CDH13: variants seen among roughly 807,000 people sequenced by gnomAD.
CDH13 encodes the protein cadherin 13.
Under a neutral mutation model 63.8 loss-of-function variants are expected in CDH13, and 24 were observed. The observed-to-expected ratio is 0.38, with a 90% CI of 0.27 to 0.53. CDH13 has a LOEUF of 0.53. CDH13 is among the 20% of genes least tolerant of loss of function. The pLI, the probability that CDH13 is intolerant of heterozygous loss-of-function variation, is 0.85. For synonymous variants in CDH13, 503 were observed against 355.3 expected (o/e 1.42, Z -4.67); for missense variants, 1,049 against 903.1 (o/e 1.16, Z -2.07).
At chr16:83,412,766 G>A (rs1417877624) in intron 6 of CDH13, among the ~76,000 whole-genome samples, 4 of 152,188 alleles carry the variant, frequency 2.6e-5, no homozygotes, top group Non-Finnish European at 5.9e-5. Flanking sequence ...AGTGAAAGTG[G>A]AACAATTCCA....
At chr16:82,640,091 C>G (rs1909201844) in intron 1 of CDH13, among the ~76,000 whole-genome samples, 1 of 152,138 alleles carries the variant, frequency 6.6e-6, no homozygotes, top group African/African-American at 2.4e-5. Context: ...AGACAGGAAA[C>G]AAGAAAAATA....
chr16:83,101,902 G>A (rs1032603784), intron 3 of CDH13, among the ~76,000 whole-genome samples: 53 of 152,276 alleles, frequency 3.5e-4, no homozygotes, highest in Admixed American at 1.4e-3. Flanking sequence ...CAGAACCAAG[G>A]CCCCAGGATT....
At chr16:82,986,382 C>G (rs765137638) in intron 2 of CDH13, among the ~76,000 whole-genome samples, 1 of 152,230 alleles carries the variant, frequency 6.6e-6, no homozygotes, top group African/African-American at 2.4e-5. Context: ...CTACCATGCA[C>G]ACTGTGTATA....
chr16:83,299,539 C>T (rs1184888994), intron 5 of CDH13, among the ~76,000 whole-genome samples: 1 of 152,166 alleles, frequency 6.6e-6, no homozygotes, highest in Non-Finnish European at 1.5e-5. Flanking sequence ...ATCTTACTTC[C>T]CTCGATTATT....
At position 82,953,743 on chromosome 16, in the gene CDH13, C is replaced by G. The variant is rs561897911; in HGVS notation, c.158-78267C>G. On this transcript the variant is annotated intron_variant, in intron 2 of 13. Coordinates refer to ENST00000567109, the MANE Select transcript of CDH13 (RefSeq NM_001257.5). The stretch of plus-strand genomic sequence containing the variant: ...AGTGGTGAAATAATAAGCACAATAC[C>G]AGCTTGGCATGTCTCACATATGTAG... 29 of 152,164 alleles carry G rather than the reference C, an allele frequency of 1.9e-4. No individual in the cohort carries two copies. In the East Asian group the frequency reaches 4.8e-3, roughly 25 times the overall value. The allele number at this position is 152,164 out of a possible 1,614,324, so 9.4% of individuals were successfully genotyped here. A position where few individuals can be genotyped will look rare whatever the true frequency, so the allele number is the denominator to read the frequency against.
chr16:83,212,699 C>T (rs1567510651), intron 4 of CDH13, among the ~76,000 whole-genome samples: 2 of 152,188 alleles, frequency 1.3e-5, no homozygotes, highest in Non-Finnish European at 2.9e-5. Context: ...GTGCTGAAAG[C>T]TGCCCAAAGC....
At chr16:83,142,366 T>C (rs1216553321) in intron 4 of CDH13, among the ~76,000 whole-genome samples, 2 of 152,100 alleles carry the variant, frequency 1.3e-5, no homozygotes, top group Non-Finnish European at 2.9e-5. Context: ...TTTGCCATGT[T>C]GGCCAGGCTG....
At chr16:82,759,604 A>G (rs2034752253) in intron 1 of CDH13, among the ~76,000 whole-genome samples, 1 of 151,070 alleles carries the variant, frequency 6.6e-6, no homozygotes, top group South Asian at 2.1e-4. Context: ...ATATATGTAT[A>G]ATATAACATA....
chr16:82,729,037 A>C (rs1469912699), intron 1 of CDH13, among the ~76,000 whole-genome samples: 2 of 152,190 alleles, frequency 1.3e-5, no homozygotes, highest in African/African-American at 4.8e-5. Flanking sequence ...TCAGCAATTC[A>C]GTCACATCTT....
At chr16:83,262,408 T>C (rs1907102093) in intron 5 of CDH13, among the ~76,000 whole-genome samples, 1 of 152,218 alleles carries the variant, frequency 6.6e-6, no homozygotes, top group African/African-American at 2.4e-5. Context: ...TCAATTAATG[T>C]AGACTTGTGG....
At chr16:83,683,985 C>T (rs1307313071) in intron 10 of CDH13, among the ~76,000 whole-genome samples, 3 of 152,204 alleles carry the variant, frequency 2.0e-5, no homozygotes, top group Non-Finnish European at 4.4e-5. Flanking sequence ...GCGTAGCAAC[C>T]GTTCCTCCAG....
At chr16:82,856,153 G>A (rs970659480) in intron 1 of CDH13, among the ~76,000 whole-genome samples, 1 of 151,990 alleles carries the variant, frequency 6.6e-6, no homozygotes, top group Non-Finnish European at 1.5e-5. Flanking sequence ...GAGGTGGGTG[G>A]ATCACGAGGT....
intron 6 of CDH13, among the ~76,000 whole-genome samples, chr16:83,454,643 T>C (rs566935746): frequency 4.1e-4 from 63 of 152,326 alleles, no homozygotes; most frequent in African/African-American, 1.3e-3. Context: ...AGGCCATCGA[T>C]TTTCTGCCAT....
At chr16:82,924,941 T>A (rs988485495) in intron 2 of CDH13, among the ~76,000 whole-genome samples, 2 of 151,984 alleles carry the variant, frequency 1.3e-5, no homozygotes, top group East Asian at 1.9e-4. Context: ...GAAAAAAAAA[T>A]AGATGTTTAT....
chr16:83,480,860 A>G (rs1249988472), intron 6 of CDH13, among the ~76,000 whole-genome samples: 1 of 152,210 alleles, frequency 6.6e-6, no homozygotes, highest in Non-Finnish European at 1.5e-5. Flanking sequence ...AGAATTTAAA[A>G]TAGCAGCTTC....
chr16:82,698,335 A>T (rs950618546), intron 1 of CDH13, among the ~76,000 whole-genome samples: 7 of 152,330 alleles, frequency 4.6e-5, no homozygotes, highest in Admixed American at 1.3e-4. Flanking sequence ...AAGGCAAAGA[A>T]CTCTATCTCC....
At chr16:83,050,619 G>C (rs2030206467) in intron 3 of CDH13, among the ~76,000 whole-genome samples, 1 of 151,964 alleles carries the variant, frequency 6.6e-6, no homozygotes. Context: ...ATCCAACCTA[G>C]CAGCTTTAAA....
chr16:83,249,536 A>T (rs1905282590), intron 5 of CDH13, among the ~76,000 whole-genome samples: 1 of 152,164 alleles, frequency 6.6e-6, no homozygotes, highest in South Asian at 2.1e-4. Flanking sequence ...CCCAATAGCT[A>T]CTTCATGAGA....
intron 1 of CDH13, among the ~76,000 whole-genome samples, chr16:82,739,720 A>T (rs1194750863): frequency 6.6e-6 from 1 of 152,270 alleles, no homozygotes; most frequent in Non-Finnish European, 1.5e-5. Context: ...GATGACACTC[A>T]GACTTTGTCA....
Sources: gnomAD v4.1 joint callset for allele counts (sites outside exome capture counted in the v4.1 genomes callset) on GRCh38, gnomAD v4.1.1 for gene constraint, MANE v1.5 for transcripts, NCBI Gene and HGNC (gene_info 2026-07-23, HGNC 2026-07-21) for gene names.